FGF12: variants seen among roughly 807,000 people sequenced by gnomAD.
FGF12 encodes the protein fibroblast growth factor 12, also known as fibroblast growth factor 12B.
FGF12 carries 14 observed loss-of-function variants against 23.6 expected under a neutral mutation model. The ratio of observed to expected loss-of-function variants is 0.59; its 90% CI spans 0.39 to 0.93. FGF12 has a LOEUF of 0.93. Among genes scored for constraint, FGF12 ranks in the 40% least tolerant of loss-of-function variants. The pLI is 0.00. For synonymous variants in FGF12, 62 were observed against 77.3 expected, an observed-to-expected ratio of 0.80 and a Z score of 1.04; for missense variants, 175 against 217.8, an observed-to-expected ratio of 0.80 and a Z score of 1.24.
At chr3:192,647,081 T>C (rs558062980) in intron 2 of FGF12, among the ~76,000 whole-genome samples, 7 of 152,114 alleles carry the variant, frequency 4.6e-5, no homozygotes, top group Non-Finnish European at 8.8e-5. Flanking sequence ...GAAATTCAGT[T>C]TCATAAGATT....
chr3:192,654,513 C>T, intron 2 of FGF12, among the ~76,000 whole-genome samples: 1 of 152,194 alleles, frequency 6.6e-6, no homozygotes, highest in East Asian at 1.9e-4. Flanking sequence ...ATAACAATAG[C>T]TCTGTCCTAC....
chr3:192,574,410 G>A (rs1712785371), intron 2 of FGF12, among the ~76,000 whole-genome samples: 1 of 152,164 alleles, frequency 6.6e-6, no homozygotes, highest in Non-Finnish European at 1.5e-5. Flanking sequence ...CTCTGCAGGA[G>A]GGGCTATGCT....
intron 2 of FGF12, among the ~76,000 whole-genome samples, chr3:192,586,679 C>T (rs1403619548): frequency 1.3e-5 from 2 of 152,150 alleles, no homozygotes; most frequent in African/African-American, 4.8e-5. Context: ...CTATTTTCCT[C>T]CAGAAGTGGG....
intron 4 of FGF12, among the ~76,000 whole-genome samples, chr3:192,318,997 T>C (rs942607108): frequency 3.3e-5 from 5 of 151,740 alleles, no homozygotes; most frequent in Non-Finnish European, 7.4e-5. Context: ...AAACAAAACT[T>C]GTATCCTAGA....
intron 2 of FGF12, among the ~76,000 whole-genome samples, chr3:192,590,777 T>A (rs1577068560): frequency 6.6e-6 from 1 of 151,832 alleles, no homozygotes; most frequent in Admixed American, 6.6e-5. Flanking sequence ...AATACAGACT[T>A]CTTGGCCTTA....
chr3:192,292,132 T>C (rs1398973088), intron 4 of FGF12, among the ~76,000 whole-genome samples: 2 of 152,180 alleles, frequency 1.3e-5, no homozygotes, highest in Non-Finnish European at 2.9e-5. Flanking sequence ...TCACTAATAT[T>C]GCTCAGAATC....
intron 3 of FGF12, among the ~76,000 whole-genome samples, chr3:192,358,375 T>A (rs1022874830): frequency 6.6e-6 from 1 of 152,158 alleles, no homozygotes; most frequent in African/African-American, 2.4e-5. Context: ...TTTATCTTAA[T>A]AAAATATTAA....
Position 192,295,183 on chromosome 3 carries a change from A to G in FGF12, c.228+40178T>C, listed in dbSNP as rs549583933. On this transcript the variant is annotated intron_variant, in intron 4 of 5. Coordinates refer to ENST00000445105, the MANE Select transcript of FGF12 (RefSeq NM_004113.6). ...TACAAAAGCCGACCTATCTAAGAGA[A>G]CTGCCTAGAGCCTTCTGGCAATACA... is the stretch of plus-strand genomic sequence containing the variant. Among the ~76,000 whole-genome samples the G allele has an allele frequency of 1.2e-4, 18 of 152,322 alleles. No homozygotes were observed. The South Asian group carries it at 3.7e-3, about 32-fold the overall frequency.
intron 4 of FGF12, among the ~76,000 whole-genome samples, chr3:192,217,455 A>G (rs1718248452): frequency 6.6e-6 from 1 of 152,286 alleles, no homozygotes; most frequent in Non-Finnish European, 1.5e-5. Context: ...TGGGCACAAG[A>G]GTTTGACTCT....
At chr3:192,339,078 C>T (rs1717559806) in intron 3 of FGF12, among the ~76,000 whole-genome samples, 1 of 152,250 alleles carries the variant, frequency 6.6e-6, no homozygotes, top group East Asian at 1.9e-4. Context: ...TGAACCACAA[C>T]ATGATAATGG....
At chr3:192,702,362 A>G (rs1718326133) in intron 2 of FGF12, among the ~76,000 whole-genome samples, 3 of 152,234 alleles carry the variant, frequency 2.0e-5, no homozygotes, top group Non-Finnish European at 2.9e-5. Context: ...GTGATCACAA[A>G]CAAATGTGCT....
chr3:192,459,702 A>C (rs567242283), intron 2 of FGF12, among the ~76,000 whole-genome samples: 2 of 152,348 alleles, frequency 1.3e-5, no homozygotes, highest in East Asian at 3.9e-4. Context: ...TGGTTTCCAG[A>C]AGGAAAAATA....
rs371410147 is a variant in FGF12 at position 192,300,822 on chromosome 3, C to G, written c.228+34539G>C. Among the ~76,000 whole-genome samples, 523 of 151,900 alleles carry G rather than the reference C, an allele frequency of 3.4e-3. 13 individuals carry two copies. The South Asian group carries it at 0.059, about 17-fold the overall frequency. On this transcript the variant is annotated intron_variant, in intron 4 of 5. Coordinates refer to ENST00000445105, the MANE Select transcript of FGF12 (RefSeq NM_004113.6). ...ACTTGCAACTAGGAGTTTGAGACCA[C>G]CCTGGACAACATGGTGAAACCCCAT...
chr3:192,546,511 C>T (rs904685634), intron 2 of FGF12, among the ~76,000 whole-genome samples: 2 of 150,318 alleles, frequency 1.3e-5, no homozygotes, highest in East Asian at 2.0e-4. Flanking sequence ...AAGGATATTT[C>T]GACAGATAAA....
At chr3:192,670,163 C>T (rs920552894) in intron 2 of FGF12, among the ~76,000 whole-genome samples, 2 of 152,064 alleles carry the variant, frequency 1.3e-5, no homozygotes, top group Non-Finnish European at 2.9e-5. Flanking sequence ...AGTAGATTGA[C>T]AATCCAGCTG....
chr3:192,624,371 T>C (rs755621466), intron 2 of FGF12, among the ~76,000 whole-genome samples: 3 of 152,170 alleles, frequency 2.0e-5, no homozygotes, highest in Non-Finnish European at 4.4e-5. Flanking sequence ...CATACCTATA[T>C]TTTGTGAATG....
rs111978995 is a variant in FGF12 at position 192,215,502 on chromosome 3, G to A, written c.229-44846C>T. On this transcript the variant is annotated intron_variant, in intron 4 of 5. Transcript: ENST00000445105. Reference sequence around the variant, plus strand: ...TTACTACACATTATCTGTAGCATTGGGCCCAAATGTAAGTGCTTGGCTAAT... The same window carrying A: ...TTACTACACATTATCTGTAGCATTGAGCCCAAATGTAAGTGCTTGGCTAAT... Among the ~76,000 whole-genome samples the A allele has an allele frequency of 8.9e-3, 1,351 of 152,136 alleles. 17 individuals carry two copies. Among genetic ancestry groups the A allele is most frequent in the African/African-American group, 0.031 (1,304 of 41,502 alleles).
chr3:192,555,380 T>C (rs1711716713), intron 2 of FGF12, among the ~76,000 whole-genome samples: 1 of 152,204 alleles, frequency 6.6e-6, no homozygotes, highest in East Asian at 1.9e-4. Flanking sequence ...AATCAGAGAA[T>C]AGTATGGTAC....
intron 2 of FGF12, among the ~76,000 whole-genome samples, chr3:192,712,598 A>G (rs1014808136): frequency 2.6e-5 from 4 of 152,316 alleles, no homozygotes; most frequent in Non-Finnish European, 4.4e-5. Flanking sequence ...AGATGTTGTA[A>G]TGGTGTAATT....
Sources: allele counts gnomAD v4.1 joint callset (sites outside exome capture counted in the v4.1 genomes callset), GRCh38; gene constraint gnomAD v4.1.1; transcripts MANE v1.5; gene names NCBI Gene and HGNC (gene_info 2026-07-23, HGNC 2026-07-21).